Variants in LHX4 observed in about 807,000 individuals in gnomAD.
LHX4 encodes the protein LIM/homeobox protein Lhx4.
LHX4 carries 16 observed loss-of-function variants against 39.2 expected under a neutral mutation model. The observed-to-expected ratio is 0.41, with a 90% CI of 0.28 to 0.62. The LOEUF is 0.62. Ranked by LOEUF, LHX4 falls within the 20% of genes least tolerant of loss-of-function variation. LHX4 has a pLI of 0.33. For synonymous variants in LHX4, 206 were observed against 198.1 expected, an observed-to-expected ratio of 1.04 and a Z score of -0.33; for missense variants, 439 against 511.9, an observed-to-expected ratio of 0.86 and a Z score of 1.37.
chr1:180,245,705 C>T (rs368839261), intron 1 of LHX4, among the ~76,000 whole-genome samples: 10 of 152,194 alleles, frequency 6.6e-5, no homozygotes, highest in Admixed American at 1.3e-4. Context: ...TGTGTCAATC[C>T]GTTTGCTCCT....
At chr1:180,268,657 TAA>T (rs761909067) in intron 3 of LHX4, among the ~76,000 whole-genome samples, 27 of 152,108 alleles carry the variant, frequency 1.8e-4, no homozygotes, top group Admixed American at 8.5e-4. Flanking sequence ...GGATGTGAAA[TAA>T]GAGACTGACG....
Position 180,266,343 on chromosome 1 carries a change from A to G in LHX4, c.249-49A>G, listed in dbSNP as rs1648311967. On this transcript the variant is annotated intron_variant, in intron 2 of 5. Transcript: ENST00000263726. This position sits in a 1 kb window ranked among gnomAD's most constrained non-coding sequence, Gnocchi z 5.7. The stretch of plus-strand genomic sequence containing the variant: ...CTGCTCCAGGAAGTTGGGGGAAGCC[A>G]GATCCCTTGCTCCCTGTGTGCCCTA... 1 of 1,595,408 alleles carries G rather than the reference A, an allele frequency of 6.3e-7. No homozygotes were observed. The highest frequency in any genetic ancestry group is 8.6e-7 in the Non-Finnish European group (1 of 1,164,332).
At chr1:180,262,528 C>T (rs1332050255) in intron 2 of LHX4, among the ~76,000 whole-genome samples, 1 of 152,024 alleles carries the variant, frequency 6.6e-6, no homozygotes, top group Non-Finnish European at 1.5e-5. Context: ...TCAGCTTTTT[C>T]CCTCTAGGAT....
chr1:180,253,819 C>T (rs1449896038), intron 2 of LHX4, among the ~76,000 whole-genome samples: 6 of 152,162 alleles, frequency 3.9e-5, no homozygotes, highest in South Asian at 2.1e-4. Context: ...GCGGGGCCTG[C>T]GCTGGCTTTC....
chr1:180,242,325 TTGTC>T (rs545635421), intron 1 of LHX4, among the ~76,000 whole-genome samples: 147 of 152,236 alleles, frequency 9.7e-4, no homozygotes, highest in African/African-American at 3.1e-3. Context: ...GCATGTACAT[TTGTC>T]TGTACATGTG....
intron 4 of LHX4, 56 bp downstream of exon 4, chr1:180,271,590 G>A: frequency 6.2e-7 from 1 of 1,600,270 alleles, no homozygotes. Context: ...GACAGGGGTG[G>A]AAGGTATCCT....
In LHX4 at chr1:180,232,173, G is replaced by C. The variant is rs1465207572; in HGVS notation, c.76+1568G>C. On this transcript the variant is annotated intron_variant, in intron 1 of 5. Transcript: ENST00000263726. The surrounding 1 kb of genome is among the most constrained non-coding windows in gnomAD (Gnocchi z 5.4). ...GGTGCACCGAGTCCTTAAGCTGCTTGTAGCTCTGCGCGAGTGAGGAGACTG... is the reference window on the plus strand; with the variant it reads ...GGTGCACCGAGTCCTTAAGCTGCTTCTAGCTCTGCGCGAGTGAGGAGACTG... 6.6e-6 allele frequency among the ~76,000 whole-genome samples: 1 copy of C among 152,186 alleles called. No individual in the cohort carries two copies. The highest frequency in any genetic ancestry group is 2.4e-5 in the African/African-American group (1 of 41,444).
At chr1:180,238,430 TA>T (rs1558208999) in intron 1 of LHX4, among the ~76,000 whole-genome samples, 1 of 152,200 alleles carries the variant, frequency 6.6e-6, no homozygotes, top group Non-Finnish European at 1.5e-5. Flanking sequence ...AGAAATTAGA[TA>T]AAAAGACGTG....
chr1:180,231,377 G>T (rs1295212422), intron 1 of LHX4, among the ~76,000 whole-genome samples: 1 of 151,876 alleles, frequency 6.6e-6, no homozygotes, highest in Non-Finnish European at 1.5e-5. Flanking sequence ...TTCTTCCCGC[G>T]CCCGAAATTA....
At position 180,234,524 on chromosome 1, in the gene LHX4, C is replaced by T. The variant is rs1664267086; in HGVS notation, c.76+3919C>T. ...CGGATGGCTGAGGACTCCCAAGGGG[C>T]GAGAGGGCTCCGGCCTCCTCCTTTC... On this transcript the variant is annotated intron_variant, in intron 1 of 5. Coordinates refer to ENST00000263726, the MANE Select transcript of LHX4 (RefSeq NM_033343.4). This position sits in a 1 kb window ranked among gnomAD's most constrained non-coding sequence, Gnocchi z 4.8. Among the ~76,000 whole-genome samples, 1 of 152,130 alleles carries T rather than the reference C, an allele frequency of 6.6e-6. No individual in the cohort carries two copies. Among genetic ancestry groups the T allele is most frequent in the Non-Finnish European group, 1.5e-5 (1 of 68,018 alleles).
intron 1 of LHX4, among the ~76,000 whole-genome samples, chr1:180,244,112 G>A (rs1159484279): frequency 2.0e-5 from 3 of 152,156 alleles, no homozygotes; most frequent in Non-Finnish European, 2.9e-5. Context: ...GCTCACTGAC[G>A]TAATACACAC....
chr1:180,274,053 C>A, intron 5 of LHX4, 132 bp from the exon 6 acceptor site: 2 of 1,131,014 alleles, frequency 1.8e-6, no homozygotes, highest in Non-Finnish European at 2.6e-6. Flanking sequence ...GTGTGTCTGA[C>A]CCATGCTTGG....
chr1:180,234,170 T>TATATA lies in LHX4; in HGVS notation c.76+3566_76+3570dup. ...ACAGACACACACAACACACACAAAT[T>TATATA]ATATATATATATATATATATATATA... On this transcript the variant is annotated intron_variant, in intron 1 of 5. Transcript: ENST00000263726. This position sits in a 1 kb window ranked among gnomAD's most constrained non-coding sequence, Gnocchi z 4.8. Among the ~76,000 whole-genome samples, 1 of 2,108 alleles carries TATATA rather than the reference T, an allele frequency of 4.7e-4. No homozygotes were observed. The highest frequency in any genetic ancestry group is 0.013 in the East Asian group (1 of 76). The allele number at this position is 2,108 out of a possible 152,430, so 1.4% of individuals were successfully genotyped here.
rs1261969864 is a variant in LHX4, at chr1:180,234,070, C to G, written c.76+3465C>G. ...AAGGGGGTGAGATGGATTCACTGTCCAAGACAGGAGTTCACTCAAACGCTG... is the reference window on the plus strand; with the variant it reads ...AAGGGGGTGAGATGGATTCACTGTCGAAGACAGGAGTTCACTCAAACGCTG... On this transcript the variant is annotated intron_variant, in intron 1 of 5. Transcript: ENST00000263726. This position sits in a 1 kb window ranked among gnomAD's most constrained non-coding sequence, Gnocchi z 4.8. Among the ~76,000 whole-genome samples the G allele has an allele frequency of 6.7e-6, 1 of 148,968 alleles. No homozygotes were observed. Among genetic ancestry groups the G allele is most frequent in the African/African-American group, 2.5e-5 (1 of 40,358 alleles).
At chr1:180,264,506 GAGGTCTAGAACCATCC>G (rs1648236982) in intron 2 of LHX4, among the ~76,000 whole-genome samples, 1 of 152,144 alleles carries the variant, frequency 6.6e-6, no homozygotes, top group African/African-American at 2.4e-5. Flanking sequence ...TGTGTTCTGG[GAGGTCTAGAACCATCC>G]AGAGCCGACT....
intron 2 of LHX4, among the ~76,000 whole-genome samples, chr1:180,256,384 C>G (rs1647855914): frequency 6.6e-6 from 1 of 152,208 alleles, no homozygotes; most frequent in Non-Finnish European, 1.5e-5. Flanking sequence ...TCCCCGGAGG[C>G]CTTCGTGTCT....
intron 1 of LHX4, among the ~76,000 whole-genome samples, chr1:180,246,583 C>T (rs537089622): frequency 2.0e-5 from 3 of 152,206 alleles, no homozygotes; most frequent in Admixed American, 1.3e-4. Context: ...TGGTGGTATG[C>T]GCCTGTAATC....
At chr1:180,258,918 A>G (rs1014973036) in intron 2 of LHX4, among the ~76,000 whole-genome samples, 1 of 152,094 alleles carries the variant, frequency 6.6e-6, no homozygotes, top group Non-Finnish European at 1.5e-5. Flanking sequence ...TTTTGGCCTG[A>G]GCTGTGGGAA....
At chr1:180,255,638 C>G (rs1647823192) in intron 2 of LHX4, among the ~76,000 whole-genome samples, 1 of 152,240 alleles carries the variant, frequency 6.6e-6, no homozygotes, top group Admixed American at 6.5e-5. Context: ...TTGTGCCGGC[C>G]TGTAATCAAG....
Sources: gnomAD v4.1 joint callset for allele counts (sites outside exome capture counted in the v4.1 genomes callset) on GRCh38, gnomAD v4.1.1 for gene constraint, Gnocchi (gnomAD v3.1) non-coding constraint, MANE v1.5 for transcripts, NCBI Gene and HGNC (gene_info 2026-07-23, HGNC 2026-07-21) for gene names.